SPTB: variants seen among roughly 807,000 people sequenced by gnomAD.
The protein encoded by SPTB is spectrin beta chain, erythrocytic.
SPTB carries 45 observed loss-of-function variants against 256.2 expected under a neutral mutation model. The observed-to-expected ratio is 0.18, with a 90% CI of 0.14 to 0.23. The LOEUF (loss-of-function observed/expected upper bound fraction) is 0.23. Ranked by LOEUF, SPTB falls within the 10% of genes least tolerant of loss-of-function variation. SPTB has a pLI of 1.00. For missense variants in SPTB, 2,715 were observed against 3,040.4 expected, an observed-to-expected ratio of 0.89 and a Z score of 2.52; for synonymous variants, 1,231 against 1,243.1, an observed-to-expected ratio of 0.99 and a Z score of 0.21.
At chr14:64,766,278 ATGTGTGTGTGGGCATGTGCC>A in intron 32 of SPTB, 1 of 597,204 alleles carries the variant, frequency 1.7e-6, no homozygotes, top group Non-Finnish European at 2.3e-6. Context: ...GTGTGCATGC[ATGTGTGTGTGGGCATGTGCC>A]TGTGTGTAGG....
chr14:64,809,788 A>G (rs2083053387), intron 2 of SPTB, among the ~76,000 whole-genome samples: 1 of 152,190 alleles, frequency 6.6e-6, no homozygotes, highest in Non-Finnish European at 1.5e-5. Flanking sequence ...AATGTTTCAG[A>G]TTACATCTCA....
chr14:64,863,677 T>C (rs184506423), intron 1 of SPTB, among the ~76,000 whole-genome samples: 105 of 152,314 alleles, frequency 6.9e-4, no homozygotes, highest in African/African-American at 2.4e-3. Flanking sequence ...GCTGTGCACA[T>C]AGTAGATTCT....
chr14:64,856,595 T>C (rs184375068), intron 1 of SPTB, among the ~76,000 whole-genome samples: 26 of 152,332 alleles, frequency 1.7e-4, no homozygotes, highest in African/African-American at 4.1e-4. Context: ...GAGATGATAC[T>C]ACCCAACTTG....
At position 64,802,001 on chromosome 14, in the gene SPTB, G is replaced by T. The variant is rs192943806; in HGVS notation, c.567-167C>A. Among the ~76,000 whole-genome samples, 113 of 152,330 alleles carry T rather than the reference G, an allele frequency of 7.4e-4. No individual in the cohort carries two copies. The highest frequency in any genetic ancestry group is 1.2e-3 in the Non-Finnish European group (80 of 68,030). On this transcript the variant is annotated intron_variant, in intron 5 of 35. Coordinates refer to ENST00000644917, the MANE Select transcript of SPTB (RefSeq NM_001355436.2). This position sits in a 1 kb window ranked among gnomAD's most constrained non-coding sequence, Gnocchi z 5.1. ...ACCACACACAGAGGCTCCCCCATCA[G>T]ATGTGAACACCACACAGACCCCCCA...
At position 64,826,401 on chromosome 14, in the gene SPTB, T is replaced by G. The variant is rs943358489; in HGVS notation, c.-51-3256A>C. 6.6e-6 allele frequency among the ~76,000 whole-genome samples: 1 copy of G among 152,138 alleles called. No homozygotes were observed. Among genetic ancestry groups the G allele is most frequent in the Non-Finnish European group, 1.5e-5 (1 of 68,022 alleles). On this transcript the variant is annotated intron_variant, in intron 1 of 35. Transcript: ENST00000644917. This position sits in a 1 kb window ranked among gnomAD's most constrained non-coding sequence, Gnocchi z 4.4. The stretch of plus-strand genomic sequence containing the variant: ...AAACAGCATATGTTGGGGCTCATGG[T>G]GGGGACACCTAATTGAATGGGGAGT...
chr14:64,864,837 G>A (rs1882066839), intron 1 of SPTB, among the ~76,000 whole-genome samples: 2 of 152,164 alleles, frequency 1.3e-5, no homozygotes, highest in Admixed American at 1.3e-4. Flanking sequence ...AAGAAGGAGA[G>A]GGAAGGAGAG....
At chr14:64,781,139 A>G (rs2082463062) in intron 20 of SPTB, among the ~76,000 whole-genome samples, 1 of 152,238 alleles carries the variant, frequency 6.6e-6, no homozygotes, top group African/African-American at 2.4e-5. Context: ...CAACCTAGGC[A>G]ATATCATCCT....
intron 29 of SPTB, 179 bp from the exon 30 acceptor site, chr14:64,768,038 T>C (rs2082218301): frequency 1.5e-6 from 1 of 676,822 alleles, no homozygotes; most frequent in Admixed American, 2.3e-5. Context: ...TAACCGATCT[T>C]CACAATAGTT....
rs2083373366 is a variant in SPTB, at chr14:64,826,000, G to A, written c.-51-2855C>T. The stretch of plus-strand genomic sequence containing the variant: ...GGTTTTTGTTTTTGTTTTTGTTTTG[G>A]AAAGAGTCAGGTCCCTGAAAACAAA... On this transcript the variant is annotated intron_variant, in intron 1 of 35. Coordinates refer to ENST00000644917, the MANE Select transcript of SPTB (RefSeq NM_001355436.2). The surrounding 1 kb of genome is among the most constrained non-coding windows in gnomAD (Gnocchi z 4.8). Among the ~76,000 whole-genome samples the A allele has an allele frequency of 1.3e-5, 2 of 152,146 alleles. No homozygotes were observed. The highest frequency in any genetic ancestry group is 1.3e-4 in the Admixed American group (2 of 15,276).
At chr14:64,754,200 G>T in intron 32 of SPTB, 3 of 341,378 alleles carry the variant, frequency 8.8e-6, no homozygotes, top group Non-Finnish European at 1.7e-5. Flanking sequence ...CTCGTATGAG[G>T]AAAGTTCTGC....
chr14:64,861,141 T>C lies in SPTB; in HGVS notation c.-52+18651A>G, dbSNP rs768593450. Among the ~76,000 whole-genome samples, 9 of 152,172 alleles carry C rather than the reference T, an allele frequency of 5.9e-5. No individual in the cohort carries two copies. In the East Asian group the frequency reaches 7.7e-4, roughly 13 times the overall value. On this transcript the variant is annotated intron_variant, in intron 1 of 35. Coordinates refer to ENST00000644917, the MANE Select transcript of SPTB (RefSeq NM_001355436.2). ...GCATGTTCTCACTCATAAGTAGGAA[T>C]TGAACATTGAGAACGCATGGACACA...
At position 64,749,703 on chromosome 14, in the gene SPTB, G is replaced by T; in HGVS notation, c.6777-7C>A. On this transcript the variant is annotated splice_polypyrimidine_tract_variant and splice_region_variant and intron_variant, in intron 34 of 35. Transcript: ENST00000644917. The surrounding 1 kb of genome is among the most constrained non-coding windows in gnomAD (Gnocchi z 4.7). ...CTCGCTGCCATTACTCAGCCTAGGA[G>T]GACAAAGGGTTTCCTGTCATGGAGA... 7.4e-6 allele frequency: 12 copies of T among 1,613,700 alleles called. No homozygotes were observed. Among genetic ancestry groups the T allele is most frequent in the Non-Finnish European group, 1.0e-5 (12 of 1,179,876 alleles).
chr14:64,862,805 G>A (rs1464493168), intron 1 of SPTB, among the ~76,000 whole-genome samples: 1 of 152,066 alleles, frequency 6.6e-6, no homozygotes, highest in Non-Finnish European at 1.5e-5. Flanking sequence ...AATGCAGGAG[G>A]CGGAGGTTGC....
At chr14:64,831,178 TC>T (rs1274799883) in intron 1 of SPTB, among the ~76,000 whole-genome samples, 1 of 152,040 alleles carries the variant, frequency 6.6e-6, no homozygotes, top group East Asian at 1.9e-4. Context: ...TGCCACTTCC[TC>T]CCCACCAACC....
intron 4 of SPTB, among the ~76,000 whole-genome samples, chr14:64,803,256 C>T (rs1298570450): frequency 6.6e-6 from 1 of 152,178 alleles, no homozygotes; most frequent in Non-Finnish European, 1.5e-5. Context: ...ATCTTCTACA[C>T]AATTTTTGCA....
At chr14:64,803,814 G>A (rs746099171) in intron 3 of SPTB, 34 bp from the exon 4 acceptor site, 2 of 1,576,160 alleles carry the variant, frequency 1.3e-6, no homozygotes, top group South Asian at 2.3e-5. Context: ...TGGGCATGGA[G>A]GGACTGCACA....
Position 64,796,725 on chromosome 14 carries a change from G to A in SPTB, c.1183-10C>T. On this transcript the variant is annotated splice_polypyrimidine_tract_variant and intron_variant, in intron 10 of 35. Coordinates refer to ENST00000644917, the MANE Select transcript of SPTB (RefSeq NM_001355436.2). This position sits in a 1 kb window ranked among gnomAD's most constrained non-coding sequence, Gnocchi z 4.1. ...CCAGGCTTTCCCAGGCCTGCACAAA[G>A]GATGGAATGAGAATTCTTGGGGCAC... The A allele has an allele frequency of 6.2e-7, 1 of 1,614,118 alleles. No homozygotes were observed.
rs773051278 is a variant in SPTB at position 64,779,877 on chromosome 14, G to C, written c.4321C>G (p.Gln1441Glu). ...RKEELGELFA[Q>E]VPSMGEEGGD... ...CCCTCCTCTCCCATTGAAGGCACCT[G>C]GGCAAACAGCTCCCCCAGCTCCTCT... Residue 1441 changes from glutamine to glutamate, a missense_variant, in exon 21 of 36, where the codon CAG becomes GAG. By Grantham distance (29) the Gln-to-Glu change is conservative. This residue lies in a region of SPTB where 2,239 missense variants were observed against 2,384.4 expected (regional missense o/e 0.94). Transcript: ENST00000644917. This position sits in a 1 kb window ranked among gnomAD's most constrained non-coding sequence, Gnocchi z 4.2. 2 of 1,613,908 alleles carry C rather than the reference G, an allele frequency of 1.2e-6. No homozygotes were observed. Among genetic ancestry groups the C allele is most frequent in the Non-Finnish European group, 8.5e-7 (1 of 1,179,974 alleles).
intron 1 of SPTB, among the ~76,000 whole-genome samples, chr14:64,871,543 A>G (rs1292711603): frequency 6.6e-6 from 1 of 152,216 alleles, no homozygotes; most frequent in Non-Finnish European, 1.5e-5. Flanking sequence ...GTTGATAGAA[A>G]GTGGACTCCA....
Sources: gnomAD v4.1 joint callset for allele counts (sites outside exome capture counted in the v4.1 genomes callset) on GRCh38, gnomAD v4.1.1 for gene constraint, gnomAD v4.1.1 regional missense constraint, Gnocchi (gnomAD v3.1) non-coding constraint, MANE v1.5 for transcripts, NCBI Gene and HGNC (gene_info 2026-07-23, HGNC 2026-07-21) for gene names.